The following COPG2 variants were observed in gnomAD, a reference collection of about 807,000 sequenced individuals.
COPG2 encodes coat protein complex I subunit gamma 2.
Under a neutral mutation model 46.3 loss-of-function variants are expected in COPG2, and 37 were observed. That is an observed-to-expected ratio of 0.80 (90% CI 0.61 to 1.05). The LOEUF (loss-of-function observed/expected upper bound fraction) is 1.05. Ranked by LOEUF, COPG2 falls within the 50% of genes least tolerant of loss-of-function variation. The pLI, the probability that COPG2 is intolerant of heterozygous loss-of-function variation, is 0.00. For missense variants in COPG2, 427 were observed against 387.8 expected (o/e 1.10, Z -0.85); for synonymous variants, 159 against 129.7 (o/e 1.23, Z -1.53).
intron 11 of COPG2, 99 bp from the exon 12 acceptor site, chr7:130,561,320 A>G (rs1793715398): frequency 7.6e-6 from 3 of 397,310 alleles, no homozygotes; most frequent in East Asian, 3.6e-5. Flanking sequence ...AGAGGACAGG[A>G]TAAGTTAAAA....
chr7:130,545,952 G>A (rs1055848242), intron 20 of COPG2, among the ~76,000 whole-genome samples: 32 of 152,146 alleles, frequency 2.1e-4, no homozygotes, highest in Non-Finnish European at 4.3e-4. Flanking sequence ...ATACTTCTTA[G>A]ATTCCGTTAA....
intron 20 of COPG2, among the ~76,000 whole-genome samples, chr7:130,524,746 A>G (rs1178259379): frequency 5.9e-5 from 9 of 152,274 alleles, no homozygotes; most frequent in Admixed American, 5.2e-4. Context: ...GAGGAGGCCA[A>G]GGGAGAAGCA....
intron 3 of COPG2, among the ~76,000 whole-genome samples, chr7:130,665,013 T>C (rs889430200): frequency 2.6e-5 from 4 of 152,084 alleles, no homozygotes; most frequent in African/African-American, 9.7e-5. Context: ...AAACCCCGTC[T>C]CTACTAAAAA....
At chr7:130,569,021 A>G (rs1013178450) in intron 9 of COPG2, among the ~76,000 whole-genome samples, 4 of 152,186 alleles carry the variant, frequency 2.6e-5, no homozygotes, top group Admixed American at 6.5e-5. Flanking sequence ...GAACAATAAT[A>G]GTATATACAG....
intron 20 of COPG2, among the ~76,000 whole-genome samples, chr7:130,544,029 G>T (rs1793385681): frequency 6.6e-6 from 1 of 152,174 alleles, no homozygotes; most frequent in South Asian, 2.1e-4. Flanking sequence ...TTTAAAGCCA[G>T]ACTGAAGCAA....
intron 5 of COPG2, among the ~76,000 whole-genome samples, chr7:130,652,307 T>C (rs571119998): frequency 3.3e-5 from 5 of 152,310 alleles, no homozygotes; most frequent in African/African-American, 4.8e-5. Flanking sequence ...TCTAGAAAAA[T>C]TGAATCAATT....
At chr7:130,628,753 A>G (rs1795167316) in intron 5 of COPG2, among the ~76,000 whole-genome samples, 3 of 152,156 alleles carry the variant, frequency 2.0e-5, no homozygotes, top group Admixed American at 2.0e-4. Context: ...GTTGTGTAAG[A>G]AAGTCTTTAG....
At chr7:130,521,820 T>C in intron 20 of COPG2, among the ~76,000 whole-genome samples, 1 of 152,108 alleles carries the variant, frequency 6.6e-6, no homozygotes, top group Non-Finnish European at 1.5e-5. Flanking sequence ...AAAAGAGTTA[T>C]ATGATTAAAG....
chr7:130,661,626 G>A (rs782362887), intron 4 of COPG2, among the ~76,000 whole-genome samples: 8 of 152,324 alleles, frequency 5.3e-5, no homozygotes, highest in Non-Finnish European at 8.8e-5. Context: ...GCTACTAGTA[G>A]TCCACAGCAT....
At chr7:130,625,413 A>C (rs1795101193) in intron 5 of COPG2, among the ~76,000 whole-genome samples, 2 of 152,124 alleles carry the variant, frequency 1.3e-5, no homozygotes, top group South Asian at 4.1e-4. Flanking sequence ...CTGCATTGCT[A>C]AATACCTCCA....
intron 5 of COPG2, among the ~76,000 whole-genome samples, chr7:130,632,056 C>T (rs1795243536): frequency 6.6e-6 from 1 of 152,092 alleles, no homozygotes; most frequent in African/African-American, 2.4e-5. Context: ...TAAGTACTAT[C>T]CATATGTTGT....
At chr7:130,529,125 G>A (rs1473198529) in intron 20 of COPG2, among the ~76,000 whole-genome samples, 4 of 152,224 alleles carry the variant, frequency 2.6e-5, no homozygotes, top group African/African-American at 7.2e-5. Flanking sequence ...AATGTAGGAC[G>A]GTTAAGGGTG....
chr7:130,513,371 A>G (rs1218185639), intron 20 of COPG2, among the ~76,000 whole-genome samples: 20 of 47,628 alleles, frequency 4.2e-4, no homozygotes, highest in African/African-American at 6.2e-4. Context: ...ATATATATAT[A>G]TATATGTGTG....
chr7:130,613,506 A>G (rs1554452434), intron 7 of COPG2, 38 bp downstream of exon 7: 8 of 1,279,350 alleles, frequency 6.3e-6, no homozygotes, highest in Non-Finnish European at 8.9e-6. Context: ...TCAAAACTGT[A>G]CCATGCTTAA....
chr7:130,645,221 C>A, intron 5 of COPG2: 1 of 700,922 alleles, frequency 1.4e-6, no homozygotes. Flanking sequence ...AGCTACTCGG[C>A]TGTGTGAGAA....
chr7:130,551,274 G>T lies in COPG2; in HGVS notation c.1615C>A (p.Gln539Lys), dbSNP rs954775338. 17 of 398,408 alleles carry T rather than the reference G, an allele frequency of 4.3e-5. No homozygotes were observed. The highest frequency in any genetic ancestry group is 7.1e-5 in the Non-Finnish European group (16 of 226,032). 24.7% of individuals were successfully genotyped at this position (398,408 alleles called of 1,614,324 possible). The change falls in exon 16 of 24, where the codon CAG (glutamine) becomes AAG (lysine). Residue 539 changes from glutamine (Q) to lysine (K), a missense_variant. By Grantham distance (53) the Gln-to-Lys change is moderately conservative. Transcript: ENST00000425248. ...TFYLNVLQQR[Q>K]MALNATYIFN... is the part of the protein sequence containing the mutation. ...ATATATGTGGCATTTAGTGCCATCT[G>T]CCTCTGCTGCAGCACATTCAGATAG...
At chr7:130,548,904 C>T (rs1400003262) in intron 18 of COPG2, among the ~76,000 whole-genome samples, 1 of 151,088 alleles carries the variant, frequency 6.6e-6, no homozygotes, top group Non-Finnish European at 1.5e-5. Flanking sequence ...GGTGACAGAG[C>T]GAGACTCTGT....
chr7:130,611,163 T>C (rs1027887813), intron 8 of COPG2, 53 bp from the exon 9 acceptor site: 2 of 1,498,492 alleles, frequency 1.3e-6, no homozygotes, highest in South Asian at 1.2e-5. Context: ...TGTCAAAATA[T>C]TTACACAAAA....
At chr7:130,525,591 C>A (rs1425482462) in intron 20 of COPG2, among the ~76,000 whole-genome samples, 3 of 152,180 alleles carry the variant, frequency 2.0e-5, no homozygotes, top group African/African-American at 7.2e-5. Flanking sequence ...TCAGAATGAT[C>A]ACTGAATCTG....
Sources: gnomAD v4.1 joint callset for allele counts (sites outside exome capture counted in the v4.1 genomes callset) on GRCh38, gnomAD v4.1.1 for gene constraint, MANE v1.5 for transcripts, NCBI Gene and HGNC (gene_info 2026-07-23, HGNC 2026-07-21) for gene names.